LONRF2: variants seen among roughly 807,000 people sequenced by gnomAD.
The protein encoded by LONRF2 is LON peptidase N-terminal domain and ring finger 2.
Under a neutral mutation model 66.6 loss-of-function variants are expected in LONRF2, and 35 were observed. That is an observed-to-expected ratio of 0.53 (90% CI 0.40 to 0.70). The LOEUF is 0.70. Ranked by LOEUF, LONRF2 falls within the 30% of genes least tolerant of loss-of-function variation. The pLI, the probability that LONRF2 is intolerant of heterozygous loss-of-function variation, is 0.00. For missense variants in LONRF2, 902 were observed against 1,002.1 expected (o/e 0.90, Z 1.35); for synonymous variants, 417 against 418.1 (o/e 1.00, Z 0.03).
intron 2 of LONRF2, among the ~76,000 whole-genome samples, chr2:100,303,309 A>G (rs1675225098): frequency 6.6e-6 from 1 of 152,214 alleles, no homozygotes. Context: ...GTTCTAAGGG[A>G]CGTGCTAAGA....
At chr2:100,289,184 C>T (rs200345507) in intron 10 of LONRF2, among the ~76,000 whole-genome samples, 6 of 152,068 alleles carry the variant, frequency 3.9e-5, no homozygotes, top group African/African-American at 9.6e-5. Context: ...ACCATGTTTC[C>T]GGAAGTCACA....
chr2:100,311,399 T>C (rs977459658), intron 1 of LONRF2, among the ~76,000 whole-genome samples: 6 of 151,970 alleles, frequency 3.9e-5, no homozygotes, highest in African/African-American at 4.8e-5. Context: ...CCTGGAAGTA[T>C]AGTTTTTTAG....
intron 1 of LONRF2, among the ~76,000 whole-genome samples, chr2:100,318,955 C>A (rs1675567338): frequency 6.6e-6 from 1 of 151,548 alleles, no homozygotes; most frequent in Non-Finnish European, 1.5e-5. Flanking sequence ...CATGGTGAAA[C>A]CCTGTCTCTA....
Position 100,298,830 on chromosome 2 carries a change from A to C in LONRF2, c.1476+6T>G, listed in dbSNP as rs1413986583. 6 of 1,607,746 alleles carry C rather than the reference A, an allele frequency of 3.7e-6. No homozygotes were observed. In the Admixed American group the frequency reaches 1.0e-4, roughly 27 times the overall value. On this transcript the variant is annotated splice_donor_region_variant and intron_variant, in intron 7 of 11. Coordinates refer to ENST00000393437, the MANE Select transcript of LONRF2 (RefSeq NM_198461.4). ...GCTGTCCCGTCATTTCCTAAAGTGTACTTACTTCCGAAAGTTTGTCTTTGC... is the reference window on the plus strand; with the variant it reads ...GCTGTCCCGTCATTTCCTAAAGTGTCCTTACTTCCGAAAGTTTGTCTTTGC...
chr2:100,281,435 T>C lies in LONRF2; in HGVS notation c.*2863A>G, dbSNP rs989194350. ...TTTCTATGGATAAACCTTAACATTT[T>C]AAATTATTTTCTTTTGAAACTTTAA... On this transcript the variant is annotated 3_prime_UTR_variant, in exon 12 of 12. Coordinates refer to ENST00000393437, the MANE Select transcript of LONRF2 (RefSeq NM_198461.4). 2 of 152,230 alleles carry C rather than the reference T, an allele frequency of 1.3e-5. No homozygotes were observed. Among genetic ancestry groups the C allele is most frequent in the Non-Finnish European group, 2.9e-5 (2 of 68,046 alleles). The allele number at this position is 152,230 out of a possible 1,614,324, so 9.4% of individuals were successfully genotyped here. A position where few individuals can be genotyped will look rare whatever the true frequency, so the allele number is the denominator to read the frequency against.
At chr2:100,300,242 C>T (rs1675157202) in intron 4 of LONRF2, among the ~76,000 whole-genome samples, 1 of 105,726 alleles carries the variant, frequency 9.5e-6, no homozygotes, top group African/African-American at 3.6e-5. Context: ...TCAAATCATC[C>T]CTTTGCTTTA....
rs1674742422 is a variant in LONRF2 at position 100,281,803 on chromosome 2, C to T, written c.*2495G>A. On this transcript the variant is annotated 3_prime_UTR_variant, in exon 12 of 12. Transcript: ENST00000393437. ...ATCCTTAGAATTGGCATCTCCCCAA[C>T]AGAAAAGAGGCAGAAGGGGGCAGGC... 6.6e-6 allele frequency: 1 copy of T among 152,074 alleles called. No individual in the cohort carries two copies. Among genetic ancestry groups the T allele is most frequent in the Non-Finnish European group, 1.5e-5 (1 of 68,038 alleles). 9.4% of individuals were successfully genotyped at this position (152,074 alleles called of 1,614,324 possible).
chr2:100,290,294 A>G lies in LONRF2; in HGVS notation c.1884T>C (p.Tyr628=). 1.2e-6 allele frequency: 2 copies of G among 1,614,176 alleles called. No homozygotes were observed. The highest frequency in any genetic ancestry group is 1.7e-6 in the Non-Finnish European group (2 of 1,180,036). The change falls in exon 10 of 12, where the codon TAT becomes TAC. Residue 628 remains tyrosine, a synonymous_variant. Transcript: ENST00000393437. Reference sequence around the variant, plus strand: ...CAAGATATTCAATGTCCGCTGTGTTATAGCCATCTCTGTGGCGGTGGCTTA... The same window carrying G: ...CAAGATATTCAATGTCCGCTGTGTTGTAGCCATCTCTGTGGCGGTGGCTTA... ...RVLSHRHRDG[Y]NTADIEYLED... is the part of the protein sequence containing the mutation.
At position 100,299,850 on chromosome 2, in the gene LONRF2, T is replaced by G; in HGVS notation, c.1134A>C (p.Leu378=). The G allele has an allele frequency of 6.2e-7, 1 of 1,612,564 alleles. No individual in the cohort carries two copies. The highest frequency in any genetic ancestry group is 8.5e-7 in the Non-Finnish European group (1 of 1,178,676). ...ACGCCTTTTTATCCTCTTCAAAGTG[T>G]AGACCCAGTATAAAATACAAAACTG... is the stretch of plus-strand genomic sequence containing the variant. ...NSSVLYFILG[L]HFEEDKKALE... The change falls in exon 5 of 12, where the codon CTA becomes CTC. Residue 378 remains leucine, a synonymous_variant. Transcript: ENST00000393437.
At chr2:100,290,728 G>C (rs529479448) in intron 9 of LONRF2, among the ~76,000 whole-genome samples, 1 of 152,264 alleles carries the variant, frequency 6.6e-6, no homozygotes, top group Admixed American at 6.5e-5. Flanking sequence ...AATCTCAAAT[G>C]TGGCTCCTCA....
At chr2:100,320,258 C>G (rs1273999408) in intron 1 of LONRF2, among the ~76,000 whole-genome samples, 1 of 152,174 alleles carries the variant, frequency 6.6e-6, no homozygotes. Context: ...TTGGATAGTG[C>G]TGCTCTAACA....
chr2:100,286,863 C>T, intron 11 of LONRF2, 51 bp downstream of exon 11: 2 of 1,579,256 alleles, frequency 1.3e-6, no homozygotes, highest in South Asian at 1.2e-5. Context: ...GATGGCTCAG[C>T]ACACTACAGC....
chr2:100,304,894 G>A (rs1428820590), intron 2 of LONRF2, among the ~76,000 whole-genome samples: 1 of 149,400 alleles, frequency 6.7e-6, no homozygotes, highest in Non-Finnish European at 1.5e-5. Flanking sequence ...GCCTCACCAA[G>A]TGCTGGGATT....
In LONRF2 at chr2:100,293,208, C is replaced by T. The variant is rs539306996; in HGVS notation, c.1757+1021G>A. Reference sequence around the variant, plus strand: ...CTGGATAGAGATGGCATCTCTACAGCATTGAGTCTGTGCACCAACGGACAT... The same window carrying T: ...CTGGATAGAGATGGCATCTCTACAGTATTGAGTCTGTGCACCAACGGACAT... On this transcript the variant is annotated intron_variant, in intron 9 of 11. Coordinates refer to ENST00000393437, the MANE Select transcript of LONRF2 (RefSeq NM_198461.4). Among the ~76,000 whole-genome samples the T allele has an allele frequency of 9.2e-5, 14 of 152,298 alleles. No homozygotes were observed. The South Asian group carries it at 2.9e-3, about 32-fold the overall frequency.
chr2:100,306,064 T>C (rs1036286470), intron 2 of LONRF2, among the ~76,000 whole-genome samples: 1 of 151,360 alleles, frequency 6.6e-6, no homozygotes, highest in Non-Finnish European at 1.5e-5. Context: ...AATTTTTTCT[T>C]GGCTATTTTT....
chr2:100,288,737 T>C (rs1316531212), intron 10 of LONRF2, among the ~76,000 whole-genome samples: 1 of 152,256 alleles, frequency 6.6e-6, no homozygotes, highest in Non-Finnish European at 1.5e-5. Context: ...GTGTTCGTCC[T>C]GTGTCTGGCT....
At chr2:100,300,027 G>GT in intron 4 of LONRF2, 109 bp from the exon 5 acceptor site, 1 of 473,238 alleles carries the variant, frequency 2.1e-6, no homozygotes, top group African/African-American at 2.1e-5. Flanking sequence ...AAAGGGGGGG[G>GT]CATACACTCT....
chr2:100,286,910 A>C lies in LONRF2; in HGVS notation c.2070+4T>G. 1.2e-6 allele frequency: 2 copies of C among 1,613,352 alleles called. No individual in the cohort carries two copies. The highest frequency in any genetic ancestry group is 2.2e-5 in the South Asian group (2 of 90,892). On this transcript the variant is annotated splice_donor_region_variant and intron_variant, in intron 11 of 11. Coordinates refer to ENST00000393437, the MANE Select transcript of LONRF2 (RefSeq NM_198461.4). ...GAATTATAAAGGAAAAAGGGAGGGCATACCTGAGGCTCAGGTTCTCTGTCT... is the reference window on the plus strand; with the variant it reads ...GAATTATAAAGGAAAAAGGGAGGGCCTACCTGAGGCTCAGGTTCTCTGTCT...
In LONRF2 at chr2:100,276,543, A is replaced by C. The variant is rs907169054; in HGVS notation, c.*7755T>G. ...CATGGACCTCCAGTTAAAACAGTTAATATGAGGTATTCAAGGATTAAAACT... is the reference window on the plus strand; with the variant it reads ...CATGGACCTCCAGTTAAAACAGTTACTATGAGGTATTCAAGGATTAAAACT... On this transcript the variant is annotated 3_prime_UTR_variant, in exon 12 of 12. Transcript: ENST00000393437. The C allele has an allele frequency of 6.6e-6, 1 of 152,212 alleles. No homozygotes were observed. Among genetic ancestry groups the C allele is most frequent in the African/African-American group, 2.4e-5 (1 of 41,456 alleles). 9.4% of individuals were successfully genotyped at this position (152,212 alleles called of 1,614,324 possible). A position where few individuals can be genotyped will look rare whatever the true frequency, so the allele number is the denominator to read the frequency against.
Sources: gnomAD v4.1 joint callset for allele counts (sites outside exome capture counted in the v4.1 genomes callset) on GRCh38, gnomAD v4.1.1 for gene constraint, MANE v1.5 for transcripts, NCBI Gene and HGNC (gene_info 2026-07-23, HGNC 2026-07-21) for gene names.